ULK4: variants seen among roughly 807,000 people sequenced by gnomAD.
ULK4 encodes unc-51 like kinase 4, also known as inactive serine/threonine-protein kinase ULK4.
ULK4 carries 133 observed loss-of-function variants against 160.6 expected under a neutral mutation model. That is an observed-to-expected ratio of 0.83 (90% CI 0.72 to 0.96). The LOEUF (loss-of-function observed/expected upper bound fraction) is 0.96, where lower values mean the gene tolerates loss of function less well. ULK4 is among the 40% of genes least tolerant of loss of function. ULK4 has a pLI of 0.00. For missense variants in ULK4, 1,580 were observed against 1,499.5 expected, an observed-to-expected ratio of 1.05 and a Z score of -0.89; for synonymous variants, 534 against 539.8, an observed-to-expected ratio of 0.99 and a Z score of 0.15.
At chr3:41,439,803 C>G (rs1014240029) in intron 34 of ULK4, among the ~76,000 whole-genome samples, 4 of 152,198 alleles carry the variant, frequency 2.6e-5, no homozygotes, top group Admixed American at 6.5e-5. Flanking sequence ...TGAGTTTACA[C>G]ATCAATTTTG....
At chr3:41,737,116 T>G (rs2038081518) in intron 22 of ULK4, among the ~76,000 whole-genome samples, 1 of 151,910 alleles carries the variant, frequency 6.6e-6, no homozygotes, top group Non-Finnish European at 1.5e-5. Flanking sequence ...TAGTTTGAAG[T>G]CAGGTAGTGT....
chr3:41,673,846 T>C lies in ULK4; in HGVS notation c.2978+7662A>G, dbSNP rs558021033. 7.3e-4 allele frequency among the ~76,000 whole-genome samples: 111 copies of C among 152,292 alleles called. No individual in the cohort carries two copies. In the South Asian group the frequency reaches 0.013, roughly 18 times the overall value. On this transcript the variant is annotated intron_variant, in intron 29 of 36. Coordinates refer to ENST00000301831, the MANE Select transcript of ULK4 (RefSeq NM_017886.4). Reference sequence around the variant, plus strand: ...CACACTCTCCCCTTACAATGTTTCATATTTTTCTTTATAGTACTCACAATT... The same window carrying C: ...CACACTCTCCCCTTACAATGTTTCACATTTTTCTTTATAGTACTCACAATT...
intron 33 of ULK4, among the ~76,000 whole-genome samples, chr3:41,460,801 A>T (rs2083665013): frequency 6.6e-6 from 1 of 152,020 alleles, no homozygotes; most frequent in African/African-American, 2.4e-5. Flanking sequence ...ATATATAATT[A>T]TATATATTTT....
At chr3:41,690,678 C>G (rs918821593) in intron 27 of ULK4, among the ~76,000 whole-genome samples, 8 of 151,686 alleles carry the variant, frequency 5.3e-5, no homozygotes, top group Non-Finnish European at 1.0e-4. Flanking sequence ...CTTTCTTCAT[C>G]CAGGGTTCTA....
intron 32 of ULK4, among the ~76,000 whole-genome samples, chr3:41,520,729 C>A (rs1428202725): frequency 6.6e-6 from 1 of 152,142 alleles, no homozygotes; most frequent in African/African-American, 2.4e-5. Context: ...GCTATTTTTC[C>A]ATTGTTTCAA....
chr3:41,269,964 CAT>C (rs1027472255), intron 35 of ULK4, among the ~76,000 whole-genome samples: 22 of 152,210 alleles, frequency 1.4e-4, no homozygotes, highest in African/African-American at 5.3e-4. Context: ...TATGAACTGA[CAT>C]GTGCGAAAAT....
At chr3:41,467,036 A>C (rs2083853134) in intron 32 of ULK4, among the ~76,000 whole-genome samples, 1 of 152,204 alleles carries the variant, frequency 6.6e-6, no homozygotes, top group African/African-American at 2.4e-5. Flanking sequence ...TATAATCTAA[A>C]AAACTAACAC....
chr3:41,868,572 A>G (rs753875726), intron 17 of ULK4, among the ~76,000 whole-genome samples: 55 of 152,012 alleles, frequency 3.6e-4, no homozygotes, highest in Non-Finnish European at 6.5e-4. Flanking sequence ...ACTGTAACCT[A>G]CGCCTCCAGG....
At position 41,681,752 on chromosome 3, in the gene ULK4, C is replaced by A. The variant is rs1316305397; in HGVS notation, c.2833+1G>T. On this transcript the variant is annotated splice_donor_variant, in intron 28 of 36. Coordinates refer to ENST00000301831, the MANE Select transcript of ULK4 (RefSeq NM_017886.4). LOFTEE classifies it high-confidence loss of function. ...ATTCTTGCTGGTGTCATCACACTTACCATTTTGGCTTTGAACCAAGGACAC... is the reference window on the plus strand; with the variant it reads ...ATTCTTGCTGGTGTCATCACACTTAACATTTTGGCTTTGAACCAAGGACAC... 2 of 1,614,064 alleles carry A rather than the reference C, an allele frequency of 1.2e-6. No individual in the cohort carries two copies. Among genetic ancestry groups the A allele is most frequent in the East Asian group, 2.2e-5 (1 of 44,878 alleles).
At chr3:41,554,048 A>T (rs1575404491) in intron 32 of ULK4, among the ~76,000 whole-genome samples, 1 of 152,180 alleles carries the variant, frequency 6.6e-6, no homozygotes, top group East Asian at 1.9e-4. Context: ...CAATTGTTTT[A>T]ATTTTTTGCT....
intron 31 of ULK4, among the ~76,000 whole-genome samples, chr3:41,605,599 A>G (rs969586821): frequency 6.6e-6 from 1 of 151,992 alleles, no homozygotes; most frequent in Non-Finnish European, 1.5e-5. Flanking sequence ...GAGCTTCAAA[A>G]CAGAAAACAA....
intron 32 of ULK4, among the ~76,000 whole-genome samples, chr3:41,522,572 G>A (rs1351674064): frequency 6.6e-6 from 1 of 152,148 alleles, no homozygotes; most frequent in African/African-American, 2.4e-5. Flanking sequence ...GGGATGAGGA[G>A]TAATAATACA....
intron 17 of ULK4, among the ~76,000 whole-genome samples, chr3:41,858,905 T>C (rs1423125442): frequency 6.6e-6 from 1 of 152,152 alleles, no homozygotes; most frequent in Non-Finnish European, 1.5e-5. Context: ...GGTGTAATTC[T>C]GTTGAGACAG....
chr3:41,339,030 A>G (rs2080625926), intron 35 of ULK4, among the ~76,000 whole-genome samples: 1 of 151,910 alleles, frequency 6.6e-6, no homozygotes, highest in Non-Finnish European at 1.5e-5. Context: ...CTCTTCCAGA[A>G]ACACCCTTAT....
At chr3:41,279,890 G>A (rs979521790) in intron 35 of ULK4, among the ~76,000 whole-genome samples, 1 of 152,134 alleles carries the variant, frequency 6.6e-6, no homozygotes, top group Admixed American at 6.5e-5. Flanking sequence ...CTGTATTCAG[G>A]AAACCCATCT....
chr3:41,615,762 A>G (rs775191049), intron 30 of ULK4, 45 bp from the exon 31 acceptor site: 1 of 1,560,702 alleles, frequency 6.4e-7, no homozygotes, highest in South Asian at 1.2e-5. Flanking sequence ...TAGACAATTC[A>G]TATTTGCACT....
chr3:41,630,743 C>A (rs1349158708), intron 30 of ULK4, among the ~76,000 whole-genome samples: 2 of 152,162 alleles, frequency 1.3e-5, no homozygotes, highest in African/African-American at 4.8e-5. Flanking sequence ...GCCCCTGGTC[C>A]CAGTTCCCTT....
At chr3:41,405,636 T>A (rs1222290674) in intron 34 of ULK4, among the ~76,000 whole-genome samples, 1 of 152,076 alleles carries the variant, frequency 6.6e-6, no homozygotes, top group Non-Finnish European at 1.5e-5. Flanking sequence ...CCAGCGTCTG[T>A]TTTTTGACAT....
intron 32 of ULK4, among the ~76,000 whole-genome samples, chr3:41,512,689 A>G (rs2085619882): frequency 6.6e-6 from 1 of 152,184 alleles, no homozygotes; most frequent in Non-Finnish European, 1.5e-5. Flanking sequence ...TGAGAAAATG[A>G]CCATACTGCC....
Sources: allele counts gnomAD v4.1 joint callset (sites outside exome capture counted in the v4.1 genomes callset), GRCh38; gene constraint gnomAD v4.1.1; transcripts MANE v1.5; gene names NCBI Gene and HGNC (gene_info 2026-07-23, HGNC 2026-07-21).